Variants in MYO9B observed in about 807,000 individuals in gnomAD.
MYO9B encodes myosin IXB.
A neutral mutation model predicts 229.5 loss-of-function variants in MYO9B; 71 were observed. That is an observed-to-expected ratio of 0.31 (90% CI 0.26 to 0.38). MYO9B has a LOEUF of 0.38. Ranked by LOEUF, MYO9B falls within the 10% of genes least tolerant of loss-of-function variation. The pLI is 1.00. For synonymous variants in MYO9B, 1,185 were observed against 1,235.8 expected, an observed-to-expected ratio of 0.96 and a Z score of 0.86; for missense variants, 2,255 against 2,920.5, an observed-to-expected ratio of 0.77 and a Z score of 5.25.
In MYO9B at chr19:17,102,051, C is replaced by T. The variant is rs758893023; in HGVS notation, c.334C>T (p.Arg112Cys). ...EDGYYFLLQERNADGTIKYVH... is the reference protein window; with the variant it reads ...EDGYYFLLQECNADGTIKYVH... ...TGGCTACTACTTCCTGCTGCAGGAGCGCAACGCAGATGGAACCATCAAGTA... is the reference window on the plus strand; with the variant it reads ...TGGCTACTACTTCCTGCTGCAGGAGTGCAACGCAGATGGAACCATCAAGTA... The change falls in exon 2 of 40, where the codon CGC becomes TGC. Residue 112 changes from arginine (R) to cysteine (C), a missense_variant. Around this residue, in one of 7 missense-constraint regions of MYO9B, gnomAD observed 386 missense variants for 515.2 expected, o/e 0.75. Coordinates refer to ENST00000682292, the MANE Select transcript of MYO9B (RefSeq NM_004145.4). 10 of 1,612,212 alleles carry T rather than the reference C, an allele frequency of 6.2e-6. No homozygotes were observed. The highest frequency in any genetic ancestry group is 5.3e-5 in the African/African-American group (4 of 74,944).
Position 17,194,689 on chromosome 19 carries a change from C to T in MYO9B, c.3262C>T (p.Pro1088Ser), listed in dbSNP as rs760222461. 5.0e-6 allele frequency: 8 copies of T among 1,612,712 alleles called. No individual in the cohort carries two copies. In the Admixed American group the frequency reaches 1.0e-4, roughly 20 times the overall value. Residue 1088 changes from proline (P) to serine (S), a missense_variant, in exon 22 of 40, where the codon CCG becomes TCG. Pro to Ser is a moderately conservative substitution (Grantham distance 74). Around this residue, in one of 7 missense-constraint regions of MYO9B, gnomAD observed 679 missense variants for 770.2 expected, o/e 0.88. Transcript: ENST00000682292. ...AGGGCAGCAGGTAGCTGAGCAGGGG[C>T]CGGAGCCAGCGGAGGATGGCGGGCA... The part of the protein sequence containing the change: ...AGGQQVAEQG[P>S]EPAEDGGHLA...
chr19:17,210,884 T>A (rs1215281025), intron 38 of MYO9B, 36 bp downstream of exon 38: 3 of 1,570,934 alleles, frequency 1.9e-6, no homozygotes, highest in Non-Finnish European at 2.6e-6. Flanking sequence ...GTCCTTCATG[T>A]TTAGGGCAAG....
At chr19:17,147,103 G>A (rs2072420290) in intron 3 of MYO9B, among the ~76,000 whole-genome samples, 1 of 152,190 alleles carries the variant, frequency 6.6e-6, no homozygotes. Flanking sequence ...GGCAGTCAGT[G>A]GCCCCCCAAC....
chr19:17,080,232 C>T (rs1330874572), intron 1 of MYO9B, among the ~76,000 whole-genome samples: 1 of 152,210 alleles, frequency 6.6e-6, no homozygotes, highest in Non-Finnish European at 1.5e-5. Context: ...TGTTTCATGA[C>T]TGTTGTTGCT....
At chr19:17,174,568 C>T (rs1325453003) in intron 13 of MYO9B, among the ~76,000 whole-genome samples, 1 of 152,048 alleles carries the variant, frequency 6.6e-6, no homozygotes, top group Non-Finnish European at 1.5e-5. Context: ...ACCCGGGAGG[C>T]GGAGGTTGCA....
chr19:17,118,351 C>T (rs953911153), intron 2 of MYO9B, among the ~76,000 whole-genome samples: 6 of 151,806 alleles, frequency 4.0e-5, no homozygotes, highest in East Asian at 1.9e-4. Context: ...CCTGTAATCC[C>T]GGCACTTTGG....
intron 8 of MYO9B, among the ~76,000 whole-genome samples, chr19:17,160,762 G>A (rs10404952): frequency 6.6e-6 from 1 of 151,672 alleles, no homozygotes; most frequent in Non-Finnish European, 1.5e-5. Flanking sequence ...TGCAATGGCA[G>A]GATCTCGGCT....
intron 6 of MYO9B, among the ~76,000 whole-genome samples, chr19:17,156,168 G>C (rs1465215916): frequency 6.6e-6 from 1 of 152,122 alleles, no homozygotes; most frequent in African/African-American, 2.4e-5. Flanking sequence ...GGTGTTGGGG[G>C]GCTCTAGGAT....
At chr19:17,154,495 T>G in intron 6 of MYO9B, 80 bp downstream of exon 6, 3 of 1,086,444 alleles carry the variant, frequency 2.8e-6, no homozygotes, top group Non-Finnish European at 4.0e-6. Context: ...CTCTGAGGTC[T>G]AACCTGCAAC....
chr19:17,185,200 C>A (rs1427639990), intron 17 of MYO9B, among the ~76,000 whole-genome samples: 1 of 152,006 alleles, frequency 6.6e-6, no homozygotes, highest in Non-Finnish European at 1.5e-5. Context: ...ACGGTGAAAC[C>A]CCACCTCTAC....
At chr19:17,111,422 TA>T (rs1383604749) in intron 2 of MYO9B, among the ~76,000 whole-genome samples, 1 of 152,232 alleles carries the variant, frequency 6.6e-6, no homozygotes, top group Non-Finnish European at 1.5e-5. Flanking sequence ...TATAAATATA[TA>T]GATTAAATTG....
At position 17,188,626 on chromosome 19, in the gene MYO9B, G is replaced by A. The variant is rs189971100; in HGVS notation, c.2688+581G>A. Among the ~76,000 whole-genome samples the A allele has an allele frequency of 2.3e-4, 35 of 152,074 alleles. No individual in the cohort carries two copies. The East Asian group carries it at 6.2e-3, about 27-fold the overall frequency. On this transcript the variant is annotated intron_variant, in intron 19 of 39. Transcript: ENST00000682292. The stretch of plus-strand genomic sequence containing the variant: ...AAATAGTGTCTTTCTAATCCTATGC[G>A]GATAAGAAAAGCAAAATTATAAAAA...
chr19:17,117,559 G>C (rs1054625497), intron 2 of MYO9B, among the ~76,000 whole-genome samples: 1 of 152,220 alleles, frequency 6.6e-6, no homozygotes, highest in South Asian at 2.1e-4. Flanking sequence ...CTTCCCTAGA[G>C]GGGGTTCTCT....
At chr19:17,163,372 C>CTTTTTT (rs3031315) in intron 10 of MYO9B, among the ~76,000 whole-genome samples, 18 of 92,388 alleles carry the variant, frequency 1.9e-4, no homozygotes, top group African/African-American at 7.0e-4. Flanking sequence ...CCCCATTCCA[C>CTTTTTT]TTTTTTTTTT....
At chr19:17,146,702 C>A (rs979213067) in intron 3 of MYO9B, among the ~76,000 whole-genome samples, 1 of 152,030 alleles carries the variant, frequency 6.6e-6, no homozygotes, top group African/African-American at 2.4e-5. Flanking sequence ...TGGATAGATT[C>A]ATGGGTAAAT....
chr19:17,100,829 T>C (rs2057738150), intron 1 of MYO9B, among the ~76,000 whole-genome samples: 1 of 152,054 alleles, frequency 6.6e-6, no homozygotes, highest in East Asian at 1.9e-4. Flanking sequence ...TCTCCCGGAC[T>C]TCATCTTCCT....
chr19:17,130,715 C>T (rs917393098), intron 2 of MYO9B, among the ~76,000 whole-genome samples: 12 of 147,346 alleles, frequency 8.1e-5, no homozygotes, highest in Non-Finnish European at 1.3e-4. Flanking sequence ...ACCTGGGGGG[C>T]GGAGGTTGCA....
intron 1 of MYO9B, among the ~76,000 whole-genome samples, chr19:17,099,478 C>G (rs900435599): frequency 1.3e-5 from 2 of 152,068 alleles, no homozygotes; most frequent in African/African-American, 4.8e-5. Flanking sequence ...CGCAGTGGCT[C>G]ACTCCTGTAA....
intron 16 of MYO9B, 76 bp downstream of exon 16, chr19:17,183,944 T>C: frequency 7.2e-7 from 1 of 1,379,350 alleles, no homozygotes; most frequent in Non-Finnish European, 9.8e-7. Context: ...AGCTTTCACT[T>C]CTGCAACTTC....
Sources: allele counts gnomAD v4.1 joint callset (sites outside exome capture counted in the v4.1 genomes callset), GRCh38; gene constraint gnomAD v4.1.1; regional missense constraint gnomAD v4.1.1; transcripts MANE v1.5; gene names NCBI Gene and HGNC (gene_info 2026-07-23, HGNC 2026-07-21).